Variants in MAN2B1 observed in about 807,000 individuals in gnomAD.
The protein encoded by MAN2B1 is mannosidase alpha class 2B member 1.
Under a neutral mutation model 127.5 loss-of-function variants are expected in MAN2B1, and 99 were observed. The observed-to-expected ratio is 0.78, with a 90% CI of 0.66 to 0.92. The LOEUF (loss-of-function observed/expected upper bound fraction) is 0.92. Among genes scored for constraint, MAN2B1 ranks in the 40% least tolerant of loss-of-function variants. The pLI is 0.00. For missense variants in MAN2B1, 1,304 were observed against 1,384.8 expected (o/e 0.94, Z 0.93); for synonymous variants, 573 against 568.8 (o/e 1.01, Z -0.11).
At chr19:12,651,635 AAATGTG>A (rs1242357354) in intron 16 of MAN2B1, among the ~76,000 whole-genome samples, 1 of 151,888 alleles carries the variant, frequency 6.6e-6, no homozygotes, top group Non-Finnish European at 1.5e-5. Flanking sequence ...GAATGTGGAC[AAATGTG>A]AGTTTTGTCA....
chr19:12,655,659 C>G, intron 14 of MAN2B1, 35 bp downstream of exon 14: 4 of 1,593,548 alleles, frequency 2.5e-6, no homozygotes, highest in Non-Finnish European at 1.7e-6. Flanking sequence ...AAATTTGTCA[C>G]AGGAGCAGGA....
At position 12,649,134 on chromosome 19, in the gene MAN2B1, AC is replaced by A; in HGVS notation, c.2436+1del. 1 of 1,611,742 alleles carries A rather than the reference AC, an allele frequency of 6.2e-7. No homozygotes were observed. The highest frequency in any genetic ancestry group is 8.5e-7 in the Non-Finnish European group (1 of 1,179,606). The stretch of plus-strand genomic sequence containing the variant: ...GCTCGGATGGGGCTCTGACCCACTC[AC>A]CATGAGCTCCAGCGAGCCATCTCTC... On this transcript the variant is annotated splice_donor_variant, in intron 20 of 23. Coordinates refer to ENST00000456935, the MANE Select transcript of MAN2B1 (RefSeq NM_000528.4). LOFTEE classifies it high-confidence loss of function.
intron 5 of MAN2B1, 92 bp from the exon 6 acceptor site, chr19:12,663,554 A>G (rs888212759): frequency 2.5e-6 from 4 of 1,575,682 alleles, no homozygotes; most frequent in Non-Finnish European, 3.4e-6. Context: ...TGGGCTTCAG[A>G]ATTTGTGTCC....
intron 14 of MAN2B1, among the ~76,000 whole-genome samples, chr19:12,655,268 CT>C (rs1279955432): frequency 6.6e-6 from 1 of 152,222 alleles, no homozygotes; most frequent in Non-Finnish European, 1.5e-5. Context: ...CACTGAGCTC[CT>C]TGTGGCTCCT....
intron 16 of MAN2B1, among the ~76,000 whole-genome samples, chr19:12,651,299 T>A (rs1383181763): frequency 6.6e-6 from 1 of 152,154 alleles, no homozygotes; most frequent in Non-Finnish European, 1.5e-5. Context: ...ATCCAAGTGG[T>A]GTCAACAATG....
intron 16 of MAN2B1, among the ~76,000 whole-genome samples, 190 bp from the exon 17 acceptor site, chr19:12,650,412 G>C (rs1177201397): frequency 6.7e-6 from 1 of 148,474 alleles, no homozygotes; most frequent in Non-Finnish European, 1.5e-5. Context: ...AGGCGGGAGT[G>C]CAGTGGCGCG....
chr19:12,657,512 G>A lies in MAN2B1; in HGVS notation c.1353C>T (p.Gly451=). ...CGTTGGCCACGTGCTGGCGGGAGGT[G>A]CCGCTGACGGCGTCGTGATGCTGGA... ...AVLQHHDAVS[G]TSRQHVANDY... is the part of the protein sequence containing the mutation. The change falls in exon 11 of 24, where the codon GGC becomes GGT. Residue 451 remains glycine, a synonymous_variant. Coordinates refer to ENST00000456935, the MANE Select transcript of MAN2B1 (RefSeq NM_000528.4). 1 of 1,564,162 alleles carries A rather than the reference G, an allele frequency of 6.4e-7. No homozygotes were observed. Among genetic ancestry groups the A allele is most frequent in the East Asian group, 2.4e-5 (1 of 42,092 alleles).
chr19:12,647,782 G>GAAA lies in MAN2B1; in HGVS notation c.2665-185_2665-184insTTT. The GAAA allele has an allele frequency of 1.6e-6, 1 of 613,542 alleles. No homozygotes were observed. Among genetic ancestry groups the GAAA allele is most frequent in the South Asian group, 2.0e-5 (1 of 50,852 alleles). The allele number at this position is 613,542 out of a possible 1,614,324, so 38.0% of individuals were successfully genotyped here. A position where few individuals can be genotyped will look rare whatever the true frequency, so the allele number is the denominator to read the frequency against. On this transcript the variant is annotated intron_variant, in intron 21 of 23. Coordinates refer to ENST00000456935, the MANE Select transcript of MAN2B1 (RefSeq NM_000528.4). The surrounding 1 kb of genome is among the most constrained non-coding windows in gnomAD (Gnocchi z 4.9). ...GGAGGACTGAGCCAATGGGGAGATG[G>GAAA]GTCGGTCCCAAGCTTAGGGTTCGAG...
chr19:12,658,100 G>T lies in MAN2B1; in HGVS notation c.1272C>A (p.Asn424Lys). The change falls in exon 10 of 24, where the codon AAC (asparagine) becomes AAA (lysine). Residue 424 changes from asparagine (N) to lysine (K), a missense_variant. Coordinates refer to ENST00000456935, the MANE Select transcript of MAN2B1 (RefSeq NM_000528.4). ...TGTCTCCGGAGCCATAGGGTCCCACGTTGGCCGCCAGGCCCACCAGCGCCT... is the reference window on the plus strand; with the variant it reads ...TGTCTCCGGAGCCATAGGGTCCCACTTTGGCCGCCAGGCCCACCAGCGCCT... ...QLEALVGLAA[N>K]VGPYGSGDSA... The T allele has an allele frequency of 1.2e-6, 2 of 1,613,248 alleles. No individual in the cohort carries two copies. The highest frequency in any genetic ancestry group is 1.7e-6 in the Non-Finnish European group (2 of 1,179,966).
At chr19:12,663,226 T>C in intron 6 of MAN2B1, 91 bp downstream of exon 6, 1 of 1,501,040 alleles carries the variant, frequency 6.7e-7, no homozygotes. Context: ...AAATTAAAAA[T>C]AAGGAGAACG....
At chr19:12,653,144 GTTTT>G (rs74180093) in intron 14 of MAN2B1, among the ~76,000 whole-genome samples, 20 of 115,392 alleles carry the variant, frequency 1.7e-4, no homozygotes, top group Admixed American at 8.7e-5. Flanking sequence ...TGGGTTTTTT[GTTTT>G]TTTTTTTTTT....
intron 14 of MAN2B1, among the ~76,000 whole-genome samples, chr19:12,654,312 G>A (rs1022478211): frequency 1.3e-5 from 2 of 152,126 alleles, no homozygotes; most frequent in African/African-American, 4.8e-5. Flanking sequence ...AAAGTGCTGG[G>A]ATTACAGGTG....
chr19:12,660,373 G>A (rs1172686806), intron 7 of MAN2B1, among the ~76,000 whole-genome samples: 1 of 152,000 alleles, frequency 6.6e-6, no homozygotes, highest in Non-Finnish European at 1.5e-5. Flanking sequence ...GTGGTGGCAC[G>A]CGACTGTAGT....
In MAN2B1 at chr19:12,649,410, G is replaced by C. The variant is rs1329977611; in HGVS notation, c.2286C>G (p.Thr762=). The C allele has an allele frequency of 1.2e-6, 2 of 1,612,330 alleles. No homozygotes were observed. The highest frequency in any genetic ancestry group is 2.2e-5 in the East Asian group (1 of 44,820). ...ILERRRDYRP[T]WKLNQTEPVA... is the part of the protein sequence containing the mutation. ...CGGGCTCCGTCTGGTTCAGTTTCCA[G>C]GTGGGTCGATAATCCCGCCTGGGGT... Residue 762 remains threonine (T), a synonymous_variant, in exon 19 of 24, where the codon ACC becomes ACG. Transcript: ENST00000456935.
At chr19:12,651,007 C>G (rs1451282587) in intron 16 of MAN2B1, among the ~76,000 whole-genome samples, 1 of 144,486 alleles carries the variant, frequency 6.9e-6, no homozygotes, top group African/African-American at 2.6e-5. Context: ...CAGGGCATCA[C>G]TATGTAGGCA....
rs771478800 is a variant in MAN2B1 at position 12,665,772 on chromosome 19, C to G, written c.193G>C (p.Val65Leu). Reference sequence around the variant, plus strand: ...TCATGTGTGTGAGGCAGCAGGTGCACGTTCAGCATGTTCGGCTGCACTGTG... The same window carrying G: ...TCATGTGTGTGAGGCAGCAGGTGCAGGTTCAGCATGTTCGGCTGCACTGTG... ...CPTVQPNMLNVHLLPHTHDDV... is the reference protein window; with the variant it reads ...CPTVQPNMLNLHLLPHTHDDV... The change falls in exon 2 of 24, where the codon GTG becomes CTG. Residue 65 changes from valine (V) to leucine (L), a missense_variant. Val to Leu is a conservative substitution (Grantham distance 32). Transcript: ENST00000456935. The G allele has an allele frequency of 1.2e-6, 2 of 1,614,120 alleles. No homozygotes were observed. Among genetic ancestry groups the G allele is most frequent in the Admixed American group, 1.7e-5 (1 of 60,014 alleles).
chr19:12,666,597 G>A lies in MAN2B1; in HGVS notation c.105C>T (p.Leu35=). The change falls in exon 1 of 24, where the codon CTC becomes CTT. Residue 35 remains leucine, a synonymous_variant. Coordinates refer to ENST00000456935, the MANE Select transcript of MAN2B1 (RefSeq NM_000528.4). ...CCGCCAGCAACAAAAGGAAAAAGCA[G>A]AGAGGCGGGAGCGGTGGCCGCAGGG... ...SRALRPPLPP[L]CFFLLLLAAA... 1 of 1,571,176 alleles carries A rather than the reference G, an allele frequency of 6.4e-7. No individual in the cohort carries two copies. Among genetic ancestry groups the A allele is most frequent in the Non-Finnish European group, 8.6e-7 (1 of 1,158,184 alleles).
rs1376771729 is a variant in MAN2B1, at chr19:12,647,273, G to T, written c.2883C>A (p.Leu961=). The T allele has an allele frequency of 1.2e-5, 19 of 1,614,146 alleles. No individual in the cohort carries two copies. The highest frequency in any genetic ancestry group is 1.5e-5 in the Non-Finnish European group (18 of 1,180,022). The change falls in exon 23 of 24, where the codon CTC becomes CTA. Residue 961 remains leucine, a synonymous_variant. Transcript: ENST00000456935. This position sits in a 1 kb window ranked among gnomAD's most constrained non-coding sequence, Gnocchi z 4.9. ...ACTTGAGCCTGGAGGCTGCCTCGCG[G>T]AGCTGGTTGGCCACCAGCGTGGTCT... The part of the protein sequence containing the change: ...LQETTLVANQ[L]REAASRLKWT...
At chr19:12,658,606 G>T in intron 7 of MAN2B1, 96 bp from the exon 8 acceptor site, 1 of 1,088,878 alleles carries the variant, frequency 9.2e-7, no homozygotes, top group Non-Finnish European at 1.4e-6. Flanking sequence ...CATCCCATAG[G>T]TTCAGTTTCT....
Sources: gnomAD v4.1 joint callset for allele counts (sites outside exome capture counted in the v4.1 genomes callset) on GRCh38, gnomAD v4.1.1 for gene constraint, Gnocchi (gnomAD v3.1) non-coding constraint, MANE v1.5 for transcripts, NCBI Gene and HGNC (gene_info 2026-07-23, HGNC 2026-07-21) for gene names.